Variants in YAP1 observed in about 807,000 individuals in gnomAD.
YAP1 encodes transcriptional coactivator YAP1.
Under a neutral mutation model 56.9 loss-of-function variants are expected in YAP1, and 5 were observed. The ratio of observed to expected loss-of-function variants is 0.09; its 90% CI spans 0.05 to 0.18. YAP1 has a LOEUF of 0.18. Among genes scored for constraint, YAP1 ranks in the 10% least tolerant of loss-of-function variants. The pLI is 1.00. For synonymous variants in YAP1, 265 were observed against 248.1 expected (o/e 1.07, Z -0.64); for missense variants, 539 against 651.8 (o/e 0.83, Z 1.88).
At chr11:102,148,480 A>G (rs1036209877) in intron 2 of YAP1, among the ~76,000 whole-genome samples, 1 of 152,186 alleles carries the variant, frequency 6.6e-6, no homozygotes, top group African/African-American at 2.4e-5. Flanking sequence ...ACTCAGTTCA[A>G]TAAATCCCGT....
intron 2 of YAP1, among the ~76,000 whole-genome samples, chr11:102,160,018 A>ATTT (rs34332940): frequency 0.012 from 1,282 of 108,906 alleles, 32 homozygotes; most frequent in African/African-American, 0.036. Flanking sequence ...TACATAAAGG[A>ATTT]TTTTTTTTTT....
At chr11:102,199,325 G>A (rs903213805) in intron 4 of YAP1, among the ~76,000 whole-genome samples, 2 of 152,146 alleles carry the variant, frequency 1.3e-5, no homozygotes, top group African/African-American at 4.8e-5. Flanking sequence ...TATGATACCT[G>A]TCAATTATGT....
intron 6 of YAP1, among the ~76,000 whole-genome samples, chr11:102,214,070 C>A (rs1473170980): frequency 6.6e-6 from 1 of 152,048 alleles, no homozygotes; most frequent in Non-Finnish European, 1.5e-5. Flanking sequence ...GAGTGAGACT[C>A]TGCCTCAAAA....
At chr11:102,148,948 T>G (rs1353258177) in intron 2 of YAP1, among the ~76,000 whole-genome samples, 1 of 152,188 alleles carries the variant, frequency 6.6e-6, no homozygotes, top group Non-Finnish European at 1.5e-5. Flanking sequence ...TTATAACTAT[T>G]TGTTGTTCCA....
At chr11:102,116,096 TC>T (rs1275169337) in intron 2 of YAP1, among the ~76,000 whole-genome samples, 1 of 152,204 alleles carries the variant, frequency 6.6e-6, no homozygotes, top group African/African-American at 2.4e-5. Flanking sequence ...AAATCAGTAT[TC>T]TAGATACAGT....
intron 2 of YAP1, among the ~76,000 whole-genome samples, chr11:102,124,223 GATTACAGGC>G (rs1943888195): frequency 6.6e-6 from 1 of 152,234 alleles, no homozygotes; most frequent in African/African-American, 2.4e-5. Context: ...AAAGTGCTGG[GATTACAGGC>G]ATGAGCTGCT....
chr11:102,189,108 C>G (rs1421007986), intron 4 of YAP1, among the ~76,000 whole-genome samples: 3 of 151,748 alleles, frequency 2.0e-5, no homozygotes, highest in Non-Finnish European at 4.4e-5. Context: ...AGTGTTTTTA[C>G]TCTTTGTTCA....
At chr11:102,161,031 C>A (rs1398583029) in intron 2 of YAP1, among the ~76,000 whole-genome samples, 1 of 151,036 alleles carries the variant, frequency 6.6e-6, no homozygotes, top group Non-Finnish European at 1.5e-5. Context: ...GGCTCTTGGC[C>A]AGTGTCACCA....
chr11:102,154,638 C>T (rs536575485), intron 2 of YAP1, among the ~76,000 whole-genome samples: 3 of 152,254 alleles, frequency 2.0e-5, no homozygotes, highest in Non-Finnish European at 4.4e-5. Context: ...TTGCCACATA[C>T]GAAATCCACA....
At chr11:102,206,602 T>G (rs977872533) in intron 5 of YAP1, among the ~76,000 whole-genome samples, 2 of 152,180 alleles carry the variant, frequency 1.3e-5, no homozygotes, top group Non-Finnish European at 2.9e-5. Flanking sequence ...TCCCAGCACT[T>G]TGGGAGGCCA....
intron 4 of YAP1, among the ~76,000 whole-genome samples, chr11:102,203,333 A>C (rs981840703): frequency 6.6e-6 from 1 of 152,262 alleles, no homozygotes; most frequent in Non-Finnish European, 1.5e-5. Flanking sequence ...GAACAAGCCA[A>C]TTGTAAAAAT....
chr11:102,161,749 A>T (rs1296108189), intron 2 of YAP1, among the ~76,000 whole-genome samples: 3 of 152,246 alleles, frequency 2.0e-5, no homozygotes, highest in Non-Finnish European at 4.4e-5. Context: ...TGTATGTCAG[A>T]TAACGTGCTA....
intron 3 of YAP1, among the ~76,000 whole-genome samples, chr11:102,173,360 C>A (rs1947033618): frequency 6.6e-6 from 1 of 152,064 alleles, no homozygotes; most frequent in South Asian, 2.1e-4. Context: ...TAAAAATCTT[C>A]TTTAGGGGTC....
chr11:102,143,644 C>T (rs540576598), intron 2 of YAP1, among the ~76,000 whole-genome samples: 4 of 152,272 alleles, frequency 2.6e-5, no homozygotes, highest in East Asian at 3.9e-4. Context: ...CCTTTATTAC[C>T]TGACTATTGC....
chr11:102,214,062 G>A (rs1180410360), intron 6 of YAP1, among the ~76,000 whole-genome samples: 1 of 152,176 alleles, frequency 6.6e-6, no homozygotes, highest in African/African-American at 2.4e-5. Flanking sequence ...GGGTGACAGA[G>A]TGAGACTCTG....
At chr11:102,222,567 C>T (rs1949984744) in intron 6 of YAP1, among the ~76,000 whole-genome samples, 3 of 152,142 alleles carry the variant, frequency 2.0e-5, no homozygotes, top group Non-Finnish European at 4.4e-5. Context: ...AGCCTTTGCT[C>T]AGGTTTACAG....
At chr11:102,219,443 A>C (rs1949815759) in intron 6 of YAP1, among the ~76,000 whole-genome samples, 1 of 152,138 alleles carries the variant, frequency 6.6e-6, no homozygotes, top group Non-Finnish European at 1.5e-5. Context: ...AGTTTCTTCA[A>C]AAAGGTAGTG....
intron 6 of YAP1, among the ~76,000 whole-genome samples, chr11:102,216,142 G>C (rs1234747366): frequency 6.6e-6 from 1 of 152,196 alleles, no homozygotes; most frequent in Non-Finnish European, 1.5e-5. Flanking sequence ...ACAAATGAAA[G>C]AGTTTTCTCC....
At chr11:102,210,442 C>G (rs556425577) in intron 6 of YAP1, among the ~76,000 whole-genome samples, 2 of 152,276 alleles carry the variant, frequency 1.3e-5, no homozygotes, top group East Asian at 3.9e-4. Flanking sequence ...TTAAGTTGTC[C>G]GTTGGAGCAC....
Sources: gnomAD v4.1 joint callset for allele counts (sites outside exome capture counted in the v4.1 genomes callset) on GRCh38, gnomAD v4.1.1 for gene constraint, MANE v1.5 for transcripts, NCBI Gene and HGNC (gene_info 2026-07-23, HGNC 2026-07-21) for gene names.